IFT57: variants seen among roughly 807,000 people sequenced by gnomAD.
IFT57 encodes intraflagellar transport 57, also known as intraflagellar transport protein 57 homolog.
In IFT57, 59 loss-of-function variants were observed where a neutral mutation model predicts 56.8. The observed-to-expected ratio is 1.04, with a 90% CI of 0.84 to 1.29. The LOEUF (loss-of-function observed/expected upper bound fraction) is 1.29. Among genes scored for constraint, IFT57 ranks in the 50% most tolerant of loss-of-function variants. The probability of loss-of-function intolerance (pLI) is 0.00; values close to 1 mark genes in which losing one functional copy is unlikely to be tolerated. For missense variants in IFT57, 470 were observed against 522.1 expected (o/e 0.90, Z 0.97); for synonymous variants, 209 against 186.1 (o/e 1.12, Z -1.00).
intron 8 of IFT57, 77 bp downstream of exon 8, chr3:108,166,777 A>G: frequency 8.3e-7 from 1 of 1,200,610 alleles, no homozygotes; most frequent in Non-Finnish European, 1.1e-6. Context: ...ATGATTCTCA[A>G]ATGAACAGTA....
chr3:108,204,844 C>T (rs897071092), intron 5 of IFT57, among the ~76,000 whole-genome samples: 1 of 152,018 alleles, frequency 6.6e-6, no homozygotes, highest in South Asian at 2.1e-4. Flanking sequence ...ATTAAACTGT[C>T]CCAAGGTTAT....
intron 6 of IFT57, 44 bp from the exon 7 acceptor site, chr3:108,167,908 T>G (rs1214166694): frequency 1.4e-6 from 2 of 1,389,516 alleles, no homozygotes; most frequent in South Asian, 1.4e-5. Context: ...AAATACTACA[T>G]TTCCATCTTT....
At chr3:108,210,701 T>C (rs2080338925) in intron 4 of IFT57, among the ~76,000 whole-genome samples, 1 of 151,898 alleles carries the variant, frequency 6.6e-6, no homozygotes, top group Non-Finnish European at 1.5e-5. Flanking sequence ...CCATCAAAAG[T>C]CTTCTTGGTG....
At chr3:108,194,100 G>A (rs1363618806) in intron 5 of IFT57, among the ~76,000 whole-genome samples, 3 of 152,182 alleles carry the variant, frequency 2.0e-5, no homozygotes, top group African/African-American at 7.2e-5. Context: ...CAGCAGTTCT[G>A]AGTGATTCTT....
intron 5 of IFT57, among the ~76,000 whole-genome samples, chr3:108,205,335 C>T (rs2080303439): frequency 6.6e-6 from 1 of 151,728 alleles, no homozygotes; most frequent in African/African-American, 2.4e-5. Context: ...AGATGAGGCA[C>T]AAGAAGTTTG....
At chr3:108,175,175 C>T (rs1049081135) in intron 6 of IFT57, among the ~76,000 whole-genome samples, 1 of 151,754 alleles carries the variant, frequency 6.6e-6, no homozygotes, top group Admixed American at 6.6e-5. Flanking sequence ...TACTGGTCAC[C>T]TATTCTAAAG....
chr3:108,192,548 A>G (rs1338314002), intron 5 of IFT57, among the ~76,000 whole-genome samples: 1 of 152,140 alleles, frequency 6.6e-6, no homozygotes, highest in Non-Finnish European at 1.5e-5. Flanking sequence ...AATAATGTAG[A>G]TTAATGATTT....
chr3:108,177,891 T>C (rs1374800752), intron 6 of IFT57, among the ~76,000 whole-genome samples: 1 of 151,784 alleles, frequency 6.6e-6, no homozygotes, highest in African/African-American at 2.4e-5. Context: ...GAATGACGAT[T>C]GATGTTATCT....
chr3:108,184,037 A>G (rs368556957), intron 6 of IFT57, among the ~76,000 whole-genome samples: 1 of 152,138 alleles, frequency 6.6e-6, no homozygotes, highest in African/African-American at 2.4e-5. Flanking sequence ...TTATGTAGGA[A>G]AGTATTATCC....
At chr3:108,221,379 C>T (rs1394262396) in intron 1 of IFT57, among the ~76,000 whole-genome samples, 1 of 152,194 alleles carries the variant, frequency 6.6e-6, no homozygotes, top group Admixed American at 6.5e-5. Flanking sequence ...TCCTAGCTGA[C>T]CACTACCCTC....
At chr3:108,207,772 G>A (rs1345554282) in intron 4 of IFT57, among the ~76,000 whole-genome samples, 3 of 152,128 alleles carry the variant, frequency 2.0e-5, no homozygotes, top group Non-Finnish European at 2.9e-5. Context: ...GGCCGGGCGC[G>A]ATGGCTCACG....
chr3:108,208,748 C>T (rs2080327548), intron 4 of IFT57, among the ~76,000 whole-genome samples: 1 of 152,162 alleles, frequency 6.6e-6, no homozygotes, highest in Non-Finnish European at 1.5e-5. Flanking sequence ...AGACTGCTAC[C>T]TGGCCACTTT....
At chr3:108,206,304 C>A (rs1380618885) in intron 5 of IFT57, among the ~76,000 whole-genome samples, 1 of 150,858 alleles carries the variant, frequency 6.6e-6, no homozygotes, top group Non-Finnish European at 1.5e-5. Flanking sequence ...TAAATCTTGG[C>A]CTATTAAAAT....
At position 108,219,448 on chromosome 3, in the gene IFT57, C is replaced by T. The variant is rs753315994; in HGVS notation, c.337G>A (p.Ala113Thr). 1 of 1,613,252 alleles carries T rather than the reference C, an allele frequency of 6.2e-7. No homozygotes were observed. Residue 113 changes from alanine (A) to threonine (T), a missense_variant, in exon 2 of 11, where the codon GCA (alanine) becomes ACA (threonine). Ala to Thr is a moderately conservative substitution (Grantham distance 58). Coordinates refer to ENST00000264538, the MANE Select transcript of IFT57 (RefSeq NM_018010.4). ...EQPQEYDDPN[A>T]TISNILSELR... is the part of the protein sequence containing the mutation. ...TCGGATAGTATGTTAGATATTGTTG[C>T]ATTAGGGTCATCATATTCTTGAGGC... is the stretch of plus-strand genomic sequence containing the variant.
chr3:108,203,293 C>G (rs536851684), intron 5 of IFT57, among the ~76,000 whole-genome samples: 1 of 152,310 alleles, frequency 6.6e-6, no homozygotes, highest in African/African-American at 2.4e-5. Context: ...GTGTCTATTT[C>G]TAATAAACAT....
chr3:108,189,579 A>C (rs1045894388), intron 6 of IFT57, among the ~76,000 whole-genome samples: 2 of 152,116 alleles, frequency 1.3e-5, no homozygotes, highest in African/African-American at 4.8e-5. Flanking sequence ...CCAAGGATGA[A>C]AATTCTCCTT....
intron 6 of IFT57, among the ~76,000 whole-genome samples, chr3:108,182,339 AT>A: frequency 6.6e-6 from 1 of 152,188 alleles, no homozygotes; most frequent in African/African-American, 2.4e-5. Flanking sequence ...TTTCTGCAGG[AT>A]TTGGCTTCCA....
intron 6 of IFT57, among the ~76,000 whole-genome samples, chr3:108,171,527 T>A (rs2080091999): frequency 1.3e-5 from 2 of 151,822 alleles, no homozygotes; most frequent in Admixed American, 6.6e-5. Context: ...CATCTATCCA[T>A]CTACTTAACA....
rs2080409895 is a variant in IFT57 at position 108,222,159 on chromosome 3, C to T, written c.164G>A (p.Arg55His). ...CTTCCGGAGGAACTCCTCCTCGTAG[C>T]GGAGCAGCTTCAGCTTCTCCACCAA... The part of the protein sequence containing the change: ...EDLVEKLKLL[R>H]YEEEFLRKSN... The change falls in exon 1 of 11, where the codon CGC becomes CAC. Residue 55 changes from arginine to histidine, a missense_variant. By Grantham distance (29) the Arg-to-His change is conservative (BLOSUM62 0). Transcript: ENST00000264538. The T allele has an allele frequency of 1.9e-6, 3 of 1,613,540 alleles. No homozygotes were observed. The African/African-American group carries it at 4.0e-5, about 22-fold the overall frequency.
Sources: allele counts gnomAD v4.1 joint callset (sites outside exome capture counted in the v4.1 genomes callset), GRCh38; gene constraint gnomAD v4.1.1; transcripts MANE v1.5; gene names NCBI Gene and HGNC (gene_info 2026-07-23, HGNC 2026-07-21).